The following LRRK2 variants were observed in gnomAD, a reference collection of about 807,000 sequenced individuals.
LRRK2 encodes leucine-rich repeat serine/threonine-protein kinase 2.
Under a neutral mutation model 302.6 loss-of-function variants are expected in LRRK2, and 203 were observed. The observed-to-expected ratio is 0.67, with a 90% CI of 0.60 to 0.75. LRRK2 has a LOEUF of 0.75. Ranked by LOEUF, LRRK2 falls within the 30% of genes least tolerant of loss-of-function variation. The pLI, the probability that LRRK2 is intolerant of heterozygous loss-of-function variation, is 0.00. For missense variants in LRRK2, 2,830 were observed against 2,951.0 expected, an observed-to-expected ratio of 0.96 and a Z score of 0.95; for synonymous variants, 1,066 against 1,031.9, an observed-to-expected ratio of 1.03 and a Z score of -0.63.
intron 4 of LRRK2, among the ~76,000 whole-genome samples, chr12:40,236,659 G>C (rs922378063): frequency 6.6e-6 from 1 of 152,166 alleles, no homozygotes; most frequent in South Asian, 2.1e-4. Context: ...GGCTGGACGT[G>C]TGATTGGGAA....
At position 40,265,430 on chromosome 12, in the gene LRRK2, T is replaced by C. The variant is rs896098294; in HGVS notation, c.1656+1529T>C. On this transcript the variant is annotated intron_variant, in intron 14 of 50. Coordinates refer to ENST00000298910, the MANE Select transcript of LRRK2 (RefSeq NM_198578.4). ...AAGTTAAGTGAGGAATAGACACTTA[T>C]ACCCTGACAGAATTCAGGGTGGGCT... Among the ~76,000 whole-genome samples the C allele has an allele frequency of 2.6e-5, 4 of 152,280 alleles. No homozygotes were observed. In the South Asian group the frequency reaches 6.2e-4, roughly 24 times the overall value.
rs1422672946 is a variant in LRRK2 at position 40,225,252 on chromosome 12, G to T, written c.121G>T (p.Asp41Tyr). 1.2e-6 allele frequency: 2 copies of T among 1,614,184 alleles called. No homozygotes were observed. The highest frequency in any genetic ancestry group is 1.7e-6 in the Non-Finnish European group (2 of 1,180,032). Reference protein sequence around the residue: ...QIETLVQILEDLLVFTYSERA... With the variant: ...QIETLVQILEYLLVFTYSERA... ...AGAAACGCTGGTCCAAATCCTGGAGGATCTGCTGGTGTTCACGTACTCCGA... is the reference window on the plus strand; with the variant it reads ...AGAAACGCTGGTCCAAATCCTGGAGTATCTGCTGGTGTTCACGTACTCCGA... Residue 41 changes from aspartate (D) to tyrosine (Y), a missense_variant, in exon 1 of 51, where the codon GAT (aspartate) becomes TAT (tyrosine). By Grantham distance (160) the Asp-to-Tyr change is radical (BLOSUM62 -3). This residue lies in a region of LRRK2 where 2,121 missense variants were observed against 2,148.0 expected (regional missense o/e 0.99). Coordinates refer to ENST00000298910, the MANE Select transcript of LRRK2 (RefSeq NM_198578.4).
intron 34 of LRRK2, 39 bp from the exon 35 acceptor site, chr12:40,320,990 GTGTTT>G (rs1470450133): frequency 1.6e-5 from 25 of 1,606,604 alleles, no homozygotes; most frequent in Non-Finnish European, 2.0e-5. Flanking sequence ...ACAAGGTTGG[GTGTTT>G]TGTGAGGCTG....
chr12:40,356,814 T>G (rs1404022947), intron 46 of LRRK2, among the ~76,000 whole-genome samples: 2 of 152,154 alleles, frequency 1.3e-5, no homozygotes, highest in Non-Finnish European at 2.9e-5. Context: ...TGACCTAAAT[T>G]TTTTTATGTA....
intron 38 of LRRK2, among the ~76,000 whole-genome samples, chr12:40,325,920 A>G (rs1403580135): frequency 6.6e-6 from 1 of 152,220 alleles, no homozygotes; most frequent in Non-Finnish European, 1.5e-5. Flanking sequence ...CTGAGAAGCC[A>G]CAGGGTACAT....
At chr12:40,243,156 GA>G (rs1048558244) in intron 6 of LRRK2, among the ~76,000 whole-genome samples, 197 of 137,454 alleles carry the variant, frequency 1.4e-3, no homozygotes, top group East Asian at 8.7e-3. Context: ...GATGTGTCTG[GA>G]AAAAAAAAAA....
Position 40,369,230 on chromosome 12 carries a change from A to T in LRRK2, c.*1465A>T, listed in dbSNP as rs891030523. 7 of 151,898 alleles carry T rather than the reference A, an allele frequency of 4.6e-5. No homozygotes were observed. The highest frequency in any genetic ancestry group is 1.7e-4 in the African/African-American group (7 of 41,514). 9.4% of individuals were successfully genotyped at this position (151,898 alleles called of 1,614,324 possible). On this transcript the variant is annotated 3_prime_UTR_variant, in exon 51 of 51. Transcript: ENST00000298910. ...CAATTTTTTTTACCAAAGACAAATTAAAAAAATGAATACCATATTTAAATG... is the reference window on the plus strand; with the variant it reads ...CAATTTTTTTTACCAAAGACAAATTTAAAAAATGAATACCATATTTAAATG...
intron 24 of LRRK2, 84 bp downstream of exon 24, chr12:40,298,577 G>A (rs765122383): frequency 1.9e-5 from 29 of 1,532,024 alleles, no homozygotes; most frequent in Non-Finnish European, 2.4e-5. Flanking sequence ...ATAGCAATGA[G>A]TTTTAACAAC....
chr12:40,232,868 G>A (rs1202113333), intron 3 of LRRK2: 1 of 152,474 alleles, frequency 6.6e-6, no homozygotes, highest in Non-Finnish European at 1.5e-5. Context: ...TTCAGAAAGA[G>A]TTAAGAAAGA....
chr12:40,232,217 A>G, intron 2 of LRRK2, 57 bp from the exon 3 acceptor site: 2 of 1,192,164 alleles, frequency 1.7e-6, no homozygotes, highest in Non-Finnish European at 2.5e-6. Context: ...TGTTTGACTG[A>G]GTATGCTCTA....
chr12:40,299,137 T>C lies in LRRK2; in HGVS notation c.3376T>C (p.Leu1126=). The C allele has an allele frequency of 6.2e-7, 1 of 1,613,340 alleles. No homozygotes were observed. The highest frequency in any genetic ancestry group is 8.5e-7 in the Non-Finnish European group (1 of 1,179,650). The change falls in exon 25 of 51, where the codon TTG becomes CTG. Residue 1126 remains leucine, a synonymous_variant. Coordinates refer to ENST00000298910, the MANE Select transcript of LRRK2 (RefSeq NM_198578.4). ...TAAAATATCAGGGATATGCTCCCCC[T>C]TGAGACTGAAGGAACTGAAGATTTT... ...GNKISGICSP[L]RLKELKILNL...
chr12:40,291,786 A>G (rs1944168560), intron 20 of LRRK2, among the ~76,000 whole-genome samples: 1 of 151,978 alleles, frequency 6.6e-6, no homozygotes, highest in Non-Finnish European at 1.5e-5. Flanking sequence ...TATTTATTGT[A>G]TTTGATAGAG....
At chr12:40,305,258 C>A (rs1319970817) in intron 27 of LRRK2, among the ~76,000 whole-genome samples, 1 of 152,036 alleles carries the variant, frequency 6.6e-6, no homozygotes, top group Non-Finnish European at 1.5e-5. Context: ...GATTTTTTGC[C>A]AGCAAATGAG....
intron 2 of LRRK2, among the ~76,000 whole-genome samples, chr12:40,229,820 A>G (rs1941083192): frequency 6.6e-6 from 1 of 152,232 alleles, no homozygotes; most frequent in African/African-American, 2.4e-5. Context: ...AGTTCCATGT[A>G]GTGCTGGAGA....
intron 13 of LRRK2, among the ~76,000 whole-genome samples, chr12:40,260,800 T>C (rs1942736703): frequency 1.3e-5 from 2 of 152,028 alleles, no homozygotes; most frequent in Admixed American, 1.3e-4. Flanking sequence ...AGAGGGCAGA[T>C]TGGACAGATG....
chr12:40,287,489 A>T lies in LRRK2; in HGVS notation c.2639A>T (p.Asp880Val), dbSNP rs764922510. Residue 880 changes from aspartate to valine, a missense_variant, in exon 20 of 51, where the codon GAC becomes GTC. Asp to Val is a radical substitution (Grantham distance 152, BLOSUM62 -3). This residue lies in a region of LRRK2 where 2,121 missense variants were observed against 2,148.0 expected (regional missense o/e 0.99). Coordinates refer to ENST00000298910, the MANE Select transcript of LRRK2 (RefSeq NM_198578.4). ...SKFDEWTFIPDSSMDSVFAQS... is the reference protein window; with the variant it reads ...SKFDEWTFIPVSSMDSVFAQS... ...TTTGATGAATGGACCTTTATTCCTG[A>T]CTCTTCTATGGACAGTGTGTTTGCT... 2 of 1,612,640 alleles carry T rather than the reference A, an allele frequency of 1.2e-6. No homozygotes were observed. The highest frequency in any genetic ancestry group is 1.7e-6 in the Non-Finnish European group (2 of 1,179,008).
rs1946201441 is a variant in LRRK2, at chr12:40,346,814, T to C, written c.6171T>C (p.Tyr2057=). Residue 2057 remains tyrosine, a synonymous_variant, in exon 42 of 51, where the codon TAT becomes TAC. Coordinates refer to ENST00000298910, the MANE Select transcript of LRRK2 (RefSeq NM_198578.4). ...NVIYNQQADV[Y]SFGLLLYDIL... Reference sequence around the variant, plus strand: ...TTTATAACCAACAGGCTGATGTTTATTCATTTGGTTTACTACTCTATGACA... The same window carrying C: ...TTTATAACCAACAGGCTGATGTTTACTCATTTGGTTTACTACTCTATGACA... The C allele has an allele frequency of 2.5e-6, 4 of 1,614,004 alleles. No individual in the cohort carries two copies. In the African/African-American group the frequency reaches 4.0e-5, roughly 16 times the overall value.
At chr12:40,355,345 A>C (rs1946492820) in intron 45 of LRRK2, among the ~76,000 whole-genome samples, 2 of 152,146 alleles carry the variant, frequency 1.3e-5, no homozygotes, top group African/African-American at 2.4e-5. Flanking sequence ...GAGAGTTTTA[A>C]GCGCAGGGGT....
intron 38 of LRRK2, among the ~76,000 whole-genome samples, chr12:40,326,577 A>T (rs1054888969): frequency 6.6e-6 from 1 of 151,932 alleles, no homozygotes; most frequent in African/African-American, 2.4e-5. Flanking sequence ...CTGCATTGCA[A>T]TTTTTCTTTG....
Sources: gnomAD v4.1 joint callset for allele counts (sites outside exome capture counted in the v4.1 genomes callset) on GRCh38, gnomAD v4.1.1 for gene constraint, gnomAD v4.1.1 regional missense constraint, MANE v1.5 for transcripts, NCBI Gene and HGNC (gene_info 2026-07-23, HGNC 2026-07-21) for gene names.